PDE4D: variants seen among roughly 807,000 people sequenced by gnomAD.
The protein encoded by PDE4D is phosphodiesterase 4D, also known as 3',5'-cyclic-AMP phosphodiesterase 4D.
In PDE4D, 24 loss-of-function variants were observed where a neutral mutation model predicts 87.4. That is an observed-to-expected ratio of 0.27 (90% CI 0.20 to 0.39). The LOEUF (loss-of-function observed/expected upper bound fraction) is 0.39, where lower values mean the gene tolerates loss of function less well. Among genes scored for constraint, PDE4D ranks in the 10% least tolerant of loss-of-function variants. The pLI is 1.00. For synonymous variants in PDE4D, 384 were observed against 383.2 expected (o/e 1.00, Z -0.02); for missense variants, 714 against 1,041.0 (o/e 0.69, Z 4.32).
At chr5:59,937,751 T>C (rs1283436603) in intron 3 of PDE4D, among the ~76,000 whole-genome samples, 1 of 152,240 alleles carries the variant, frequency 6.6e-6, no homozygotes, top group African/African-American at 2.4e-5. Context: ...AACACAAATC[T>C]GTCCATAGCA....
intron 1 of PDE4D, among the ~76,000 whole-genome samples, chr5:59,425,316 A>G (rs991604635): frequency 1.3e-5 from 2 of 152,216 alleles, no homozygotes; most frequent in East Asian, 3.9e-4. Flanking sequence ...CCCTGATTTA[A>G]TTGATTCACA....
intron 1 of PDE4D, among the ~76,000 whole-genome samples, chr5:59,798,238 C>A (rs71627971): frequency 0.041 from 5,729 of 140,396 alleles, 347 homozygotes; most frequent in African/African-American, 0.14. Context: ...ATCTCTCTCT[C>A]TCTATATATA....
rs370213592 is a variant in PDE4D, at chr5:59,040,095, T to G, written c.809-1124A>C. On this transcript the variant is annotated intron_variant, in intron 5 of 14. Transcript: ENST00000340635. The stretch of plus-strand genomic sequence containing the variant: ...GGTTATTTAGGACCCTCAAGGTTTC[T>G]GAGGGTTTAAGTTTTAGGGTTTCTG... 11 of 152,400 alleles carry G rather than the reference T, an allele frequency of 7.2e-5. No homozygotes were observed. The South Asian group carries it at 2.3e-3, about 32-fold the overall frequency. 9.4% of individuals were successfully genotyped at this position (152,400 alleles called of 1,614,324 possible). A position where few individuals can be genotyped will look rare whatever the true frequency, so the allele number is the denominator to read the frequency against.
intron 1 of PDE4D, among the ~76,000 whole-genome samples, chr5:60,385,838 G>C: frequency 6.6e-6 from 1 of 152,074 alleles, no homozygotes; most frequent in East Asian, 1.9e-4. Context: ...GGAAGATACA[G>C]CTCTCAGATC....
chr5:59,037,870 GCACATAGATGAACTGT>G (rs1422559081), intron 6 of PDE4D, among the ~76,000 whole-genome samples: 1 of 151,740 alleles, frequency 6.6e-6, no homozygotes, highest in African/African-American at 2.4e-5. Context: ...AAAGATATGT[GCACATAGATGAACTGT>G]AAGATAATAT....
chr5:60,163,729 C>T (rs1249795599), intron 2 of PDE4D, among the ~76,000 whole-genome samples: 1 of 152,160 alleles, frequency 6.6e-6, no homozygotes, highest in Non-Finnish European at 1.5e-5. Flanking sequence ...TTTCCTCCAA[C>T]CTTTCATTCA....
intron 2 of PDE4D, among the ~76,000 whole-genome samples, chr5:60,163,478 T>G (rs1181107399): frequency 1.3e-5 from 2 of 152,138 alleles, no homozygotes; most frequent in Non-Finnish European, 2.9e-5. Context: ...GGTTTTACAT[T>G]TACCCAAATG....
chr5:60,386,686 C>G (rs926908833), intron 1 of PDE4D, among the ~76,000 whole-genome samples: 1 of 152,160 alleles, frequency 6.6e-6, no homozygotes, highest in Admixed American at 6.5e-5. Flanking sequence ...CAAATATACC[C>G]AAACCTGAAT....
chr5:59,348,268 A>C (rs987150056), intron 1 of PDE4D, among the ~76,000 whole-genome samples: 4 of 152,192 alleles, frequency 2.6e-5, no homozygotes, highest in African/African-American at 7.2e-5. Context: ...TTGTATTATT[A>C]TGTTTTTGGG....
At chr5:59,267,662 C>A (rs955463467) in intron 1 of PDE4D, among the ~76,000 whole-genome samples, 10 of 152,028 alleles carry the variant, frequency 6.6e-5, no homozygotes, top group Non-Finnish European at 1.5e-4. Flanking sequence ...CTCATTATAT[C>A]TACTGACAAC....
chr5:59,777,057 C>G (rs548169452), intron 1 of PDE4D, among the ~76,000 whole-genome samples: 12 of 152,168 alleles, frequency 7.9e-5, no homozygotes. Context: ...ACCCTTAACT[C>G]GACTTTCCAC....
At chr5:60,240,782 C>A (rs550826986) in intron 1 of PDE4D, among the ~76,000 whole-genome samples, 1 of 152,264 alleles carries the variant, frequency 6.6e-6, no homozygotes, top group African/African-American at 2.4e-5. Flanking sequence ...AATACCAAGG[C>A]AGTACCTCTA....
intron 1 of PDE4D, among the ~76,000 whole-genome samples, chr5:60,507,169 T>C (rs942191273): frequency 3.3e-5 from 5 of 151,906 alleles, no homozygotes; most frequent in Non-Finnish European, 5.9e-5. Context: ...CTGCCTCCCA[T>C]GTTGAAGCTA....
intron 6 of PDE4D, among the ~76,000 whole-genome samples, chr5:59,011,539 G>C (rs1752810674): frequency 6.6e-6 from 1 of 151,984 alleles, no homozygotes; most frequent in Non-Finnish European, 1.5e-5. Flanking sequence ...TGGAAGAAAG[G>C]GTATCAGTGA....
chr5:59,616,005 C>T (rs1295543118), intron 1 of PDE4D, among the ~76,000 whole-genome samples: 12 of 151,256 alleles, frequency 7.9e-5, no homozygotes, highest in Admixed American at 7.9e-4. Context: ...TTTTAGGGTA[C>T]ATGTGCACAA....
intron 1 of PDE4D, among the ~76,000 whole-genome samples, chr5:59,242,243 T>G (rs1757828789): frequency 6.6e-6 from 1 of 152,102 alleles, no homozygotes; most frequent in African/African-American, 2.4e-5. Flanking sequence ...AGGGGAAATT[T>G]ACTGTGCAAA....
chr5:60,336,093 A>G (rs1757732015), intron 1 of PDE4D, among the ~76,000 whole-genome samples: 1 of 152,218 alleles, frequency 6.6e-6, no homozygotes, highest in Admixed American at 6.5e-5. Context: ...ACTCCGACCA[A>G]ACACTGACAA....
intron 1 of PDE4D, among the ~76,000 whole-genome samples, chr5:60,312,092 T>A (rs1755092472): frequency 6.6e-6 from 1 of 152,140 alleles, no homozygotes. Flanking sequence ...CACATAATAA[T>A]AGTGGGAGAC....
At chr5:60,211,016 G>C (rs900909851) in intron 1 of PDE4D, among the ~76,000 whole-genome samples, 1 of 152,192 alleles carries the variant, frequency 6.6e-6, no homozygotes, top group African/African-American at 2.4e-5. Context: ...ATGGGACTGG[G>C]GCGGACTGAG....
Sources: allele counts gnomAD v4.1 joint callset (sites outside exome capture counted in the v4.1 genomes callset), GRCh38; gene constraint gnomAD v4.1.1; transcripts MANE v1.5; gene names NCBI Gene and HGNC (gene_info 2026-07-23, HGNC 2026-07-21).